The following STAG1 variants were observed in gnomAD, a reference collection of about 807,000 sequenced individuals.
STAG1 encodes STAG1 cohesin complex component, also known as cohesin subunit SA-1.
In STAG1, 26 loss-of-function variants were observed where a neutral mutation model predicts 170.9. The observed-to-expected ratio is 0.15, with a 90% CI of 0.11 to 0.21. The LOEUF (loss-of-function observed/expected upper bound fraction) is 0.21. STAG1 is among the 10% of genes least tolerant of loss of function. STAG1 has a pLI of 1.00. For synonymous variants in STAG1, 514 were observed against 497.7 expected (o/e 1.03, Z -0.44); for missense variants, 964 against 1,509.5 (o/e 0.64, Z 5.99).
intron 1 of STAG1, among the ~76,000 whole-genome samples, chr3:136,748,729 A>T (rs1310124323): frequency 6.6e-6 from 1 of 152,162 alleles, no homozygotes; most frequent in Non-Finnish European, 1.5e-5. Flanking sequence ...TAAATTTTTT[A>T]AAAAGGTGTT....
At chr3:136,676,720 G>A (rs1431793232) in intron 1 of STAG1, among the ~76,000 whole-genome samples, 5 of 151,664 alleles carry the variant, frequency 3.3e-5, no homozygotes, top group Non-Finnish European at 7.4e-5. Context: ...AAAGGGCTGG[G>A]ATTACAAGTT....
intron 2 of STAG1, among the ~76,000 whole-genome samples, chr3:136,629,069 C>G (rs1226793314): frequency 6.6e-6 from 1 of 152,144 alleles, no homozygotes; most frequent in Non-Finnish European, 1.5e-5. Context: ...TACCCACAGA[C>G]ATATTACAGA....
chr3:136,720,798 A>C (rs116457308), intron 1 of STAG1, among the ~76,000 whole-genome samples: 2,616 of 152,058 alleles, frequency 0.017, 80 homozygotes, highest in African/African-American at 0.06. Context: ...CAAAAAAAAA[A>C]GAAAAAGAAA....
chr3:136,604,485 A>G lies in STAG1; in HGVS notation c.133-12T>C, dbSNP rs376991025. On this transcript the variant is annotated splice_polypyrimidine_tract_variant and intron_variant, in intron 3 of 33. Coordinates refer to ENST00000383202, the MANE Select transcript of STAG1 (RefSeq NM_005862.3). ...TTCTTATTTGTAGACTGAAAAAAAG[A>G]TAAAAAAAGATTCCATTCGATTAGG... 2 of 1,585,066 alleles carry G rather than the reference A, an allele frequency of 1.3e-6. No homozygotes were observed. Among genetic ancestry groups the G allele is most frequent in the African/African-American group, 2.7e-5 (2 of 72,980 alleles).
chr3:136,734,868 C>A (rs1355660375), intron 1 of STAG1, among the ~76,000 whole-genome samples: 4 of 152,182 alleles, frequency 2.6e-5, no homozygotes, highest in African/African-American at 9.7e-5. Context: ...TTCGTGACAA[C>A]ATGGAAAAAC....
At chr3:136,728,270 A>G (rs185827203) in intron 1 of STAG1, among the ~76,000 whole-genome samples, 97 of 152,358 alleles carry the variant, frequency 6.4e-4, no homozygotes, top group African/African-American at 2.2e-3. Context: ...ATAAACTATA[A>G]AGTACCACAA....
intron 1 of STAG1, among the ~76,000 whole-genome samples, chr3:136,743,695 C>A (rs1057056082): frequency 6.6e-6 from 1 of 152,148 alleles, no homozygotes; most frequent in African/African-American, 2.4e-5. Context: ...ATTACACAAA[C>A]TATTTCAGTA....
chr3:136,566,129 T>C (rs997398230), intron 5 of STAG1, among the ~76,000 whole-genome samples: 1 of 152,170 alleles, frequency 6.6e-6, no homozygotes, highest in African/African-American at 2.4e-5. Context: ...ATGGATTGAA[T>C]GTTTGTGTCC....
intron 3 of STAG1, among the ~76,000 whole-genome samples, chr3:136,615,291 G>C (rs1472903480): frequency 6.6e-6 from 1 of 151,942 alleles, no homozygotes; most frequent in Non-Finnish European, 1.5e-5. Context: ...GTTGTGAACA[G>C]GGAAATACAA....
chr3:136,671,981 CAG>C (rs1266996460), intron 1 of STAG1, among the ~76,000 whole-genome samples: 6 of 152,300 alleles, frequency 3.9e-5, no homozygotes, highest in African/African-American at 1.4e-4. Context: ...ATCAGTGACA[CAG>C]GGGGTGGTAG....
At chr3:136,627,219 A>C (rs944576039) in intron 2 of STAG1, among the ~76,000 whole-genome samples, 6 of 152,364 alleles carry the variant, frequency 3.9e-5, no homozygotes, top group Middle Eastern at 3.4e-3. Context: ...GTGTATGTTT[A>C]ATTATTAAGA....
chr3:136,377,375 A>C, intron 23 of STAG1, among the ~76,000 whole-genome samples: 1 of 73,666 alleles, frequency 1.4e-5, no homozygotes. Flanking sequence ...CGACAGAGCG[A>C]GACTCTGTCT....
chr3:136,607,798 C>T (rs1192077810), intron 3 of STAG1, among the ~76,000 whole-genome samples: 2 of 152,234 alleles, frequency 1.3e-5, no homozygotes, highest in Non-Finnish European at 2.9e-5. Flanking sequence ...GACATAATCA[C>T]ATCATTCTGT....
At chr3:136,638,056 C>T (rs1479233236) in intron 1 of STAG1, among the ~76,000 whole-genome samples, 1 of 151,790 alleles carries the variant, frequency 6.6e-6, no homozygotes, top group Non-Finnish European at 1.5e-5. Context: ...TAAGTACACG[C>T]CACTATGCCT....
intron 1 of STAG1, among the ~76,000 whole-genome samples, chr3:136,680,433 T>C (rs1414569310): frequency 3.9e-5 from 6 of 152,038 alleles, no homozygotes; most frequent in Non-Finnish European, 8.8e-5. Context: ...AAAGATTGTA[T>C]GAGTAGAGAG....
rs1402444663 is a variant in STAG1, at chr3:136,560,937, G to A, written c.394+7828C>T. Among the ~76,000 whole-genome samples, 3 of 151,934 alleles carry A rather than the reference G, an allele frequency of 2.0e-5. No homozygotes were observed. In the East Asian group the frequency reaches 5.8e-4, roughly 29 times the overall value. Reference sequence around the variant, plus strand: ...CCGGGAACTTGGGTGGGGACGGGGCGAATTGTGATTTTTTTTTTTCCTGCC... The same window carrying A: ...CCGGGAACTTGGGTGGGGACGGGGCAAATTGTGATTTTTTTTTTTCCTGCC... On this transcript the variant is annotated intron_variant, in intron 5 of 33. Transcript: ENST00000383202.
Position 136,417,960 on chromosome 3 carries a change from G to A in STAG1, c.2121C>T (p.Leu707=), listed in dbSNP as rs974138346. 6.2e-7 allele frequency: 1 copy of A among 1,613,024 alleles called. No individual in the cohort carries two copies. Among genetic ancestry groups the A allele is most frequent in the Non-Finnish European group, 8.5e-7 (1 of 1,179,196 alleles). ...AATTACCAAAGAGATCCCATTTTGT[G>A]AGATCATGTGCACTGAAATAAACAA... is the stretch of plus-strand genomic sequence containing the variant. ...RLTSFHNAHD[L]TKWDLFGNCY... The change falls in exon 21 of 34, where the codon CTC becomes CTT. Residue 707 remains leucine (L), a synonymous_variant. Coordinates refer to ENST00000383202, the MANE Select transcript of STAG1 (RefSeq NM_005862.3).
intron 5 of STAG1, among the ~76,000 whole-genome samples, chr3:136,561,082 A>G (rs186008453): frequency 6.6e-6 from 1 of 152,150 alleles, no homozygotes; most frequent in Non-Finnish European, 1.5e-5. Context: ...GATTTTGGAT[A>G]TTAATGTGCA....
chr3:136,644,696 T>C (rs1358933848), intron 1 of STAG1, among the ~76,000 whole-genome samples: 6 of 152,140 alleles, frequency 3.9e-5, no homozygotes, highest in Admixed American at 3.9e-4. Flanking sequence ...ATGCAGTATT[T>C]CTGTCATTTT....
Sources: gnomAD v4.1 joint callset for allele counts (sites outside exome capture counted in the v4.1 genomes callset) on GRCh38, gnomAD v4.1.1 for gene constraint, MANE v1.5 for transcripts, NCBI Gene and HGNC (gene_info 2026-07-23, HGNC 2026-07-21) for gene names.